The following GPC6 variants were observed in gnomAD, a reference collection of about 807,000 sequenced individuals.
GPC6 encodes the protein glypican-6.
Under a neutral mutation model 55.2 loss-of-function variants are expected in GPC6, and 14 were observed. That is an observed-to-expected ratio of 0.25 (90% CI 0.17 to 0.40). The LOEUF (loss-of-function observed/expected upper bound fraction) is 0.40, where lower values mean the gene tolerates loss of function less well. GPC6 is among the 10% of genes least tolerant of loss of function. The probability of loss-of-function intolerance (pLI) is 1.00; values close to 1 mark genes in which losing one functional copy is unlikely to be tolerated. For synonymous variants in GPC6, 278 were observed against 259.6 expected (o/e 1.07, Z -0.68); for missense variants, 641 against 708.5 (o/e 0.90, Z 1.08).
intron 4 of GPC6, among the ~76,000 whole-genome samples, chr13:94,260,700 A>G (rs1455979897): frequency 5.3e-5 from 8 of 152,160 alleles, no homozygotes; most frequent in African/African-American, 1.9e-4. Flanking sequence ...CCACAGCCAC[A>G]TCATAGGGCC....
intron 1 of GPC6, among the ~76,000 whole-genome samples, chr13:93,397,362 A>C (rs1170834240): frequency 6.6e-6 from 1 of 152,146 alleles, no homozygotes; most frequent in Admixed American, 6.5e-5. Context: ...GTGTAAAGTG[A>C]TATCTCACTG....
intron 1 of GPC6, among the ~76,000 whole-genome samples, chr13:93,399,150 A>G (rs1467936519): frequency 6.6e-6 from 1 of 152,096 alleles, no homozygotes; most frequent in Non-Finnish European, 1.5e-5. Context: ...TTTCATGTGC[A>G]TGATCTGAAA....
At chr13:93,520,278 C>A (rs1289598011) in intron 1 of GPC6, among the ~76,000 whole-genome samples, 1 of 151,904 alleles carries the variant, frequency 6.6e-6, no homozygotes, top group Non-Finnish European at 1.5e-5. Flanking sequence ...GGTCCATCTT[C>A]CTTGATTTGA....
intron 4 of GPC6, among the ~76,000 whole-genome samples, chr13:94,031,307 T>C (rs1347767134): frequency 1.3e-5 from 2 of 152,174 alleles, no homozygotes; most frequent in African/African-American, 4.8e-5. Flanking sequence ...CCTTACAACA[T>C]TGAAAAAATG....
chr13:93,908,504 CTTTGTGTTTGTAGCATTTACACTTG>C (rs1876790265), intron 3 of GPC6, among the ~76,000 whole-genome samples: 1 of 152,124 alleles, frequency 6.6e-6, no homozygotes, highest in African/African-American at 2.4e-5. Context: ...AGGGTTTTCC[CTTTGTGTTTGTAGCATTTACACTTG>C]TTTGTGTTTG....
chr13:94,113,502 T>A (rs1396954085), intron 4 of GPC6, among the ~76,000 whole-genome samples: 7 of 152,156 alleles, frequency 4.6e-5, no homozygotes, highest in Non-Finnish European at 1.0e-4. Context: ...GTGCACCTTG[T>A]ACAATATGCA....
chr13:93,892,508 TTGAC>T (rs1406498009), intron 3 of GPC6, among the ~76,000 whole-genome samples: 1 of 152,168 alleles, frequency 6.6e-6, no homozygotes, highest in East Asian at 1.9e-4. Flanking sequence ...AAATGCTTGT[TTGAC>T]TATTTTAAAT....
chr13:93,994,839 T>A (rs974235323), intron 3 of GPC6, among the ~76,000 whole-genome samples: 1 of 152,224 alleles, frequency 6.6e-6, no homozygotes, highest in Non-Finnish European at 1.5e-5. Context: ...CTTCATCTAA[T>A]AAACTTTTAT....
At chr13:94,388,744 G>A (rs1382345256) in intron 7 of GPC6, among the ~76,000 whole-genome samples, 1 of 152,174 alleles carries the variant, frequency 6.6e-6, no homozygotes, top group Non-Finnish European at 1.5e-5. Context: ...TAGCCTTAGA[G>A]AGACAGAGAG....
chr13:93,731,898 G>T (rs1883837451), intron 2 of GPC6, among the ~76,000 whole-genome samples: 1 of 152,068 alleles, frequency 6.6e-6, no homozygotes, highest in Non-Finnish European at 1.5e-5. Flanking sequence ...GTATATATAT[G>T]TAATAATGAA....
At chr13:93,815,559 C>T (rs1886821149) in intron 2 of GPC6, among the ~76,000 whole-genome samples, 1 of 151,960 alleles carries the variant, frequency 6.6e-6, no homozygotes, top group African/African-American at 2.4e-5. Context: ...TCTTGCATTC[C>T]AAATGACAAT....
chr13:93,877,163 T>G (rs1874640548), intron 3 of GPC6, among the ~76,000 whole-genome samples: 1 of 152,120 alleles, frequency 6.6e-6, no homozygotes, highest in Non-Finnish European at 1.5e-5. Context: ...TTATTAGCAC[T>G]AAAATTTAAG....
chr13:94,105,127 A>G (rs143592279), intron 4 of GPC6, among the ~76,000 whole-genome samples: 143 of 152,260 alleles, frequency 9.4e-4, no homozygotes, highest in Middle Eastern at 3.4e-3. Flanking sequence ...GGCCGAGGCA[A>G]GAGGATCACT....
intron 2 of GPC6, among the ~76,000 whole-genome samples, chr13:93,553,627 A>ATG (rs1299827587): frequency 7.0e-5 from 10 of 143,672 alleles, no homozygotes; most frequent in Non-Finnish European, 1.1e-4. Context: ...CCCAGGAGGC[A>ATG]GAGGTTGCAG....
intron 5 of GPC6, among the ~76,000 whole-genome samples, chr13:94,292,984 AACATG>A: frequency 6.6e-6 from 1 of 152,208 alleles, no homozygotes; most frequent in Non-Finnish European, 1.5e-5. Flanking sequence ...TTTTGGTAAT[AACATG>A]ACGCTCATTT....
At chr13:93,362,029 G>C (rs1881058734) in intron 1 of GPC6, among the ~76,000 whole-genome samples, 1 of 152,216 alleles carries the variant, frequency 6.6e-6, no homozygotes, top group African/African-American at 2.4e-5. Flanking sequence ...GGAGAACTGT[G>C]TTTTGTAATA....
chr13:94,016,889 C>T (rs908447134), intron 3 of GPC6, among the ~76,000 whole-genome samples: 1 of 151,178 alleles, frequency 6.6e-6, no homozygotes, highest in Non-Finnish European at 1.5e-5. Flanking sequence ...GGCAGGAGTG[C>T]AATGGTGCGA....
At chr13:93,607,691 C>A (rs1474776005) in intron 2 of GPC6, among the ~76,000 whole-genome samples, 2 of 152,130 alleles carry the variant, frequency 1.3e-5, no homozygotes, top group East Asian at 3.9e-4. Flanking sequence ...CCTTTTGGGG[C>A]CAATAATGCC....
At chr13:93,456,021 G>T (rs1324028406) in intron 1 of GPC6, among the ~76,000 whole-genome samples, 1 of 152,180 alleles carries the variant, frequency 6.6e-6, no homozygotes, top group African/African-American at 2.4e-5. Context: ...AAGTTGATGT[G>T]TTTAGGTGCT....
Sources: allele counts gnomAD v4.1 joint callset (sites outside exome capture counted in the v4.1 genomes callset), GRCh38; gene constraint gnomAD v4.1.1; transcripts MANE v1.5; gene names NCBI Gene and HGNC (gene_info 2026-07-23, HGNC 2026-07-21).